The following STAU2 variants were observed in gnomAD, a reference collection of about 807,000 sequenced individuals.
STAU2 encodes staufen double-stranded RNA binding protein 2.
STAU2 carries 20 observed loss-of-function variants against 65.9 expected under a neutral mutation model. The ratio of observed to expected loss-of-function variants is 0.30; its 90% CI spans 0.21 to 0.44. The LOEUF is 0.44. Among genes scored for constraint, STAU2 ranks in the 20% least tolerant of loss-of-function variants. The pLI, the probability that STAU2 is intolerant of heterozygous loss-of-function variation, is 1.00. For missense variants in STAU2, 558 were observed against 683.9 expected (o/e 0.82, Z 2.05); for synonymous variants, 232 against 233.9 (o/e 0.99, Z 0.07).
intron 6 of STAU2, among the ~76,000 whole-genome samples, chr8:73,649,872 TATA>T (rs1563481228): frequency 5.5e-5 from 4 of 72,818 alleles, no homozygotes; most frequent in Admixed American, 1.3e-4. Flanking sequence ...TATAATTTTA[TATA>T]TATATATATA....
chr8:73,532,127 C>G (rs1805859483), intron 13 of STAU2, among the ~76,000 whole-genome samples: 1 of 152,144 alleles, frequency 6.6e-6, no homozygotes, highest in Admixed American at 6.5e-5. Flanking sequence ...CCAACATTAA[C>G]ATTGAAATAG....
rs545820392 is a variant in STAU2 at position 73,547,285 on chromosome 8, CCTGTATTA to C, written c.1530+4719_1530+4726del. On this transcript the variant is annotated intron_variant, in intron 13 of 14. Transcript: ENST00000524300. The stretch of plus-strand genomic sequence containing the variant: ...TTGCTCAAGGCCTGCTTGATTCTTA[CCTGTATTA>C]CTGTTACTCATTGTAGTTTTTATAT... 6.1e-4 allele frequency among the ~76,000 whole-genome samples: 93 copies of C among 152,260 alleles called. No individual in the cohort carries two copies. The South Asian group carries it at 0.018, about 30-fold the overall frequency.
At chr8:73,740,697 G>C (rs1586392171) in intron 1 of STAU2, among the ~76,000 whole-genome samples, 1 of 151,962 alleles carries the variant, frequency 6.6e-6, no homozygotes, top group Non-Finnish European at 1.5e-5. Flanking sequence ...AGTGTCCCTT[G>C]CTTTCTAGAA....
At chr8:73,471,301 T>A (rs1819997509) in intron 13 of STAU2, among the ~76,000 whole-genome samples, 2 of 151,620 alleles carry the variant, frequency 1.3e-5, no homozygotes, top group African/African-American at 4.8e-5. Flanking sequence ...GCCTCCCAGG[T>A]AGCCAGGACT....
At chr8:73,463,349 G>A (rs1427685287) in intron 13 of STAU2, among the ~76,000 whole-genome samples, 1 of 152,190 alleles carries the variant, frequency 6.6e-6, no homozygotes, top group East Asian at 1.9e-4. Context: ...TAACAATGTT[G>A]TCCAGAAAAA....
intron 5 of STAU2, among the ~76,000 whole-genome samples, chr8:73,687,355 AT>A (rs567597046): frequency 0.015 from 251 of 17,074 alleles, 3 homozygotes; most frequent in Middle Eastern, 0.053. Flanking sequence ...TATAATTTAT[AT>A]AATATAAATA....
intron 12 of STAU2, among the ~76,000 whole-genome samples, chr8:73,552,560 C>T (rs1346938058): frequency 6.6e-6 from 1 of 152,010 alleles, no homozygotes; most frequent in East Asian, 1.9e-4. Flanking sequence ...TTCAATGGGA[C>T]TTATGTGTAG....
chr8:73,620,466 A>G (rs1813144586), intron 6 of STAU2, among the ~76,000 whole-genome samples: 1 of 152,184 alleles, frequency 6.6e-6, no homozygotes. Flanking sequence ...ACAGAGACAA[A>G]CAAAATTTCT....
At position 73,723,096 on chromosome 8, in the gene STAU2, G is replaced by A. The variant is rs574532682; in HGVS notation, c.-17-13934C>T. On this transcript the variant is annotated intron_variant, in intron 3 of 14. Coordinates refer to ENST00000524300, the MANE Select transcript of STAU2 (RefSeq NM_001164380.2). ...TGCTATTCCACACTAGAGTGCGTGCGTGCCCACACACCCACACACACACAC... is the reference window on the plus strand; with the variant it reads ...TGCTATTCCACACTAGAGTGCGTGCATGCCCACACACCCACACACACACAC... Among the ~76,000 whole-genome samples the A allele has an allele frequency of 8.6e-4, 130 of 151,742 alleles. 1 individual carries two copies. Among genetic ancestry groups the A allele is most frequent in the South Asian group, 7.3e-3 (35 of 4,794 alleles).
chr8:73,627,615 T>C (rs1813784748), intron 6 of STAU2, among the ~76,000 whole-genome samples: 1 of 152,242 alleles, frequency 6.6e-6, no homozygotes. Context: ...GAATTTGTTT[T>C]TCCTATTTAT....
chr8:73,745,350 T>C (rs889282554), intron 1 of STAU2, among the ~76,000 whole-genome samples: 2 of 152,194 alleles, frequency 1.3e-5, no homozygotes, highest in Non-Finnish European at 2.9e-5. Context: ...TTAAATAAGA[T>C]TTTTCCACCG....
At chr8:73,518,546 C>T (rs779147534) in intron 13 of STAU2, among the ~76,000 whole-genome samples, 3 of 152,134 alleles carry the variant, frequency 2.0e-5, no homozygotes, top group Admixed American at 1.3e-4. Context: ...TATTTACAGG[C>T]ACTAAAATTC....
intron 13 of STAU2, among the ~76,000 whole-genome samples, chr8:73,434,052 C>T (rs1817520228): frequency 6.6e-6 from 1 of 151,820 alleles, no homozygotes; most frequent in Non-Finnish European, 1.5e-5. Flanking sequence ...GGAAGGTTAG[C>T]CTTGGGTTCT....
chr8:73,666,876 T>C (rs1000339871), intron 6 of STAU2, among the ~76,000 whole-genome samples: 7 of 152,222 alleles, frequency 4.6e-5, no homozygotes, highest in Admixed American at 6.5e-5. Flanking sequence ...CTCTAGATGT[T>C]ATACTACCTC....
intron 6 of STAU2, among the ~76,000 whole-genome samples, chr8:73,623,499 C>G (rs1187694860): frequency 6.6e-6 from 1 of 152,158 alleles, no homozygotes; most frequent in African/African-American, 2.4e-5. Context: ...TATGAAAATG[C>G]TATCTTCCGA....
intron 13 of STAU2, among the ~76,000 whole-genome samples, chr8:73,462,567 T>G (rs1033483296): frequency 3.3e-5 from 5 of 152,026 alleles, no homozygotes; most frequent in African/African-American, 1.2e-4. Context: ...AGCTAATTTT[T>G]GTATTTTTTT....
At chr8:73,656,221 CTT>C (rs1197318591) in intron 6 of STAU2, among the ~76,000 whole-genome samples, 2 of 152,220 alleles carry the variant, frequency 1.3e-5, no homozygotes, top group Non-Finnish European at 2.9e-5. Context: ...CAATTCTACT[CTT>C]ATTTCACTTA....
intron 13 of STAU2, among the ~76,000 whole-genome samples, chr8:73,469,464 A>T (rs1819853143): frequency 9.7e-6 from 1 of 102,746 alleles, no homozygotes; most frequent in South Asian, 3.9e-4. Flanking sequence ...TAAAATATAT[A>T]TATATATTTA....
chr8:73,490,723 T>C (rs765640910), intron 13 of STAU2, among the ~76,000 whole-genome samples: 6 of 152,068 alleles, frequency 3.9e-5, no homozygotes, highest in African/African-American at 4.8e-5. Flanking sequence ...ACCTCAAGAA[T>C]TCTACATTAC....
Sources: gnomAD v4.1 joint callset for allele counts (sites outside exome capture counted in the v4.1 genomes callset) on GRCh38, gnomAD v4.1.1 for gene constraint, MANE v1.5 for transcripts, NCBI Gene and HGNC (gene_info 2026-07-23, HGNC 2026-07-21) for gene names.